Variants in C7 observed in about 807,000 individuals in gnomAD.
C7 encodes the protein complement C7, also known as complement component C7.
C7 carries 83 observed loss-of-function variants against 104.8 expected under a neutral mutation model. The observed-to-expected ratio is 0.79, with a 90% CI of 0.66 to 0.95. C7 has a LOEUF of 0.95. Ranked by LOEUF, C7 falls within the 40% of genes least tolerant of loss-of-function variation. The probability of loss-of-function intolerance (pLI) is 0.00; values close to 1 mark genes in which losing one functional copy is unlikely to be tolerated. For missense variants in C7, 1,070 were observed against 1,011.2 expected, an observed-to-expected ratio of 1.06 and a Z score of -0.79; for synonymous variants, 415 against 360.6, an observed-to-expected ratio of 1.15 and a Z score of -1.71.
At chr5:40,913,274 G>A (rs1235696599) in intron 1 of C7, among the ~76,000 whole-genome samples, 2 of 152,134 alleles carry the variant, frequency 1.3e-5, no homozygotes, top group African/African-American at 4.8e-5. Flanking sequence ...ACGAGTACGG[G>A]TATCTTTCTG....
In C7 at chr5:40,968,926, G is replaced by C. The variant is rs143097051; in HGVS notation, c.1883-3477G>C. The stretch of plus-strand genomic sequence containing the variant: ...CGTGCCTGGCTATTTTTCAATTTTA[G>C]AGGTTTCATTTGTCTACTTTTTTAC... On this transcript the variant is annotated intron_variant, in intron 14 of 17. Transcript: ENST00000313164. 1.0e-3 allele frequency among the ~76,000 whole-genome samples: 158 copies of C among 151,812 alleles called. 1 individual carries two copies. The highest frequency in any genetic ancestry group is 3.4e-3 in the African/African-American group (142 of 41,448).
intron 14 of C7, chr5:40,972,150 A>T: frequency 1.8e-6 from 1 of 547,922 alleles, no homozygotes; most frequent in Non-Finnish European, 3.3e-6. Flanking sequence ...TGTTCATTTT[A>T]AGTTGTCACA....
Position 40,936,970 on chromosome 5 carries a change from A to G in C7, c.428+485A>G, listed in dbSNP as rs2111598851. On this transcript the variant is annotated intron_variant, in intron 5 of 17. Transcript: ENST00000313164. Reference sequence around the variant, plus strand: ...AACCTGTTTCCAAGTGAAGGTTGGAAAATACTGTGTTTACGTTATCAAAGA... The same window carrying G: ...AACCTGTTTCCAAGTGAAGGTTGGAGAATACTGTGTTTACGTTATCAAAGA... Among the ~76,000 whole-genome samples, 4 of 152,262 alleles carry G rather than the reference A, an allele frequency of 2.6e-5. No individual in the cohort carries two copies. In the South Asian group the frequency reaches 8.3e-4, roughly 32 times the overall value.
chr5:40,977,902 G>A (rs1167273034), intron 16 of C7, among the ~76,000 whole-genome samples: 1 of 152,156 alleles, frequency 6.6e-6, no homozygotes, highest in African/African-American at 2.4e-5. Flanking sequence ...GGGAGGCCAA[G>A]GTGGGCCAAT....
chr5:40,944,067 G>A (rs1018392771), intron 6 of C7, among the ~76,000 whole-genome samples: 1 of 152,048 alleles, frequency 6.6e-6, no homozygotes, highest in Non-Finnish European at 1.5e-5. Flanking sequence ...GTGTAATATT[G>A]TCATTTTCTT....
At chr5:40,948,919 T>C (rs1740106442) in intron 8 of C7, among the ~76,000 whole-genome samples, 1 of 152,134 alleles carries the variant, frequency 6.6e-6, no homozygotes, top group Non-Finnish European at 1.5e-5. Context: ...TCCACTGAGC[T>C]ATTTTTTTTT....
At chr5:40,971,231 A>G (rs62357073) in intron 14 of C7, among the ~76,000 whole-genome samples, 28,062 of 152,114 alleles carry the variant, frequency 0.18, 3,111 homozygotes, top group Middle Eastern at 0.38. Context: ...ATTTCTCCAC[A>G]TCCCCACCAG....
At chr5:40,933,981 G>T (rs188058180) in intron 3 of C7, among the ~76,000 whole-genome samples, 1 of 148,750 alleles carries the variant, frequency 6.7e-6, no homozygotes. Flanking sequence ...TATTGCCCAG[G>T]CTGGAGTGCA....
chr5:40,974,769 G>A (rs1740778770), intron 15 of C7, among the ~76,000 whole-genome samples: 1 of 152,172 alleles, frequency 6.6e-6, no homozygotes, highest in Admixed American at 6.5e-5. Context: ...TTCAGGATTT[G>A]TCCTAAAGTA....
intron 12 of C7, among the ~76,000 whole-genome samples, chr5:40,960,650 C>T (rs1740401782): frequency 6.6e-6 from 1 of 152,026 alleles, no homozygotes; most frequent in Admixed American, 6.6e-5. Context: ...ACTCTTGGTG[C>T]TCAGGGGAGG....
At chr5:40,916,723 CATTT>C (rs1212311885) in intron 1 of C7, among the ~76,000 whole-genome samples, 2 of 151,752 alleles carry the variant, frequency 1.3e-5, no homozygotes, top group African/African-American at 4.8e-5. Context: ...TTTAAAAAAG[CATTT>C]ATTTATCTTT....
chr5:40,922,830 A>G (rs1053621762), intron 1 of C7, among the ~76,000 whole-genome samples: 7 of 152,228 alleles, frequency 4.6e-5, no homozygotes, highest in African/African-American at 1.7e-4. Context: ...AAATAACTCA[A>G]AATGAATTAG....
chr5:40,913,484 C>T (rs1579832995), intron 1 of C7, among the ~76,000 whole-genome samples: 1 of 151,954 alleles, frequency 6.6e-6, no homozygotes, highest in East Asian at 1.9e-4. Flanking sequence ...TTCCTACCAA[C>T]AACTGTTATT....
rs191322551 is a variant in C7 at position 40,980,504 on chromosome 5, C to T, written c.2350+595C>T. On this transcript the variant is annotated intron_variant, in intron 17 of 17. Coordinates refer to ENST00000313164, the MANE Select transcript of C7 (RefSeq NM_000587.4). ...AATAAAAGAAGAAGTTACTTTCTCA[C>T]GTTGTGATTCAATATTTGCTAACAC... is the stretch of plus-strand genomic sequence containing the variant. Among the ~76,000 whole-genome samples, 221 of 152,340 alleles carry T rather than the reference C, an allele frequency of 1.5e-3. 2 individuals carry two copies. The highest frequency in any genetic ancestry group is 1.8e-3 in the Non-Finnish European group (120 of 68,034).
At chr5:40,911,814 C>T (rs571455204) in intron 1 of C7, among the ~76,000 whole-genome samples, 7 of 151,374 alleles carry the variant, frequency 4.6e-5, no homozygotes, top group African/African-American at 1.7e-4. Flanking sequence ...TCTCTGCTCA[C>T]TCCAACTTCC....
intron 2 of C7, among the ~76,000 whole-genome samples, chr5:40,930,792 CT>C (rs1739666085): frequency 6.6e-6 from 1 of 151,982 alleles, no homozygotes; most frequent in Non-Finnish European, 1.5e-5. Flanking sequence ...TCTCGAACTC[CT>C]GACCTCAGGT....
intron 9 of C7, among the ~76,000 whole-genome samples, chr5:40,953,212 T>G (rs1473918132): frequency 6.6e-6 from 1 of 152,156 alleles, no homozygotes; most frequent in Non-Finnish European, 1.5e-5. Context: ...AGTCAAATAT[T>G]GCATGTTCTC....
chr5:40,917,918 C>A (rs1561235656), intron 1 of C7, among the ~76,000 whole-genome samples: 1 of 151,808 alleles, frequency 6.6e-6, no homozygotes, highest in Non-Finnish European at 1.5e-5. Context: ...ATTCTGACAT[C>A]AAAAAAATAT....
At chr5:40,980,812 T>C (rs1356221878) in intron 17 of C7, among the ~76,000 whole-genome samples, 2 of 152,216 alleles carry the variant, frequency 1.3e-5, no homozygotes, top group African/African-American at 4.8e-5. Context: ...ACTCTAGCCA[T>C]GTCTGGGTCA....
Sources: allele counts gnomAD v4.1 joint callset (sites outside exome capture counted in the v4.1 genomes callset), GRCh38; gene constraint gnomAD v4.1.1; transcripts MANE v1.5; gene names NCBI Gene and HGNC (gene_info 2026-07-23, HGNC 2026-07-21).